The following PKP4 variants were observed in gnomAD, a reference collection of about 807,000 sequenced individuals.
The protein encoded by PKP4 is plakophilin-4.
Under a neutral mutation model 145.1 loss-of-function variants are expected in PKP4, and 90 were observed. The ratio of observed to expected loss-of-function variants is 0.62; its 90% CI spans 0.52 to 0.74. PKP4 has a LOEUF of 0.74. Ranked by LOEUF, PKP4 falls within the 30% of genes least tolerant of loss-of-function variation. The pLI is 0.00. For missense variants in PKP4, 1,340 were observed against 1,482.7 expected, an observed-to-expected ratio of 0.90 and a Z score of 1.58; for synonymous variants, 563 against 577.2, an observed-to-expected ratio of 0.98 and a Z score of 0.35.
chr2:158,618,558 A>G (rs2051874275), intron 4 of PKP4, among the ~76,000 whole-genome samples: 1 of 152,192 alleles, frequency 6.6e-6, no homozygotes, highest in African/African-American at 2.4e-5. Flanking sequence ...GGCAACCAGT[A>G]TGGAATCACA....
intron 2 of PKP4, among the ~76,000 whole-genome samples, chr2:158,567,317 G>T (rs943724595): frequency 1.3e-5 from 2 of 152,194 alleles, no homozygotes; most frequent in African/African-American, 4.8e-5. Context: ...GCCTTGAGTG[G>T]TGTGTATAGG....
rs764004208 is a variant in PKP4, at chr2:158,669,782, T to C, written c.2791T>C (p.Ser931Pro). 4 of 1,613,368 alleles carry C rather than the reference T, an allele frequency of 2.5e-6. No individual in the cohort carries two copies. The South Asian group carries it at 4.4e-5, about 18-fold the overall frequency. The change falls in exon 17 of 22, where the codon TCT becomes CCT. Residue 931 changes from serine to proline, a missense_variant. Transcript: ENST00000389759. ...LPGGNGPSVL[S>P]DETMAAICCA... ...CGGCGGCAATGGCCCCAGTGTCTTG[T>C]CTGATGAGACCATGGCAGCCATCTG...
intron 3 of PKP4, among the ~76,000 whole-genome samples, chr2:158,581,552 G>A (rs938926400): frequency 9.2e-5 from 14 of 152,218 alleles, no homozygotes; most frequent in Non-Finnish European, 1.3e-4. Flanking sequence ...GTGGCATGAG[G>A]TTCTGTTTAA....
intron 1 of PKP4, among the ~76,000 whole-genome samples, chr2:158,524,216 T>A (rs1023886990): frequency 8.2e-6 from 1 of 122,054 alleles, no homozygotes; most frequent in Non-Finnish European, 1.7e-5. Flanking sequence ...GAAAAAATGT[T>A]AAGGGCAGCC....
At chr2:158,483,656 T>A (rs1693709775) in intron 1 of PKP4, among the ~76,000 whole-genome samples, 1 of 152,188 alleles carries the variant, frequency 6.6e-6, no homozygotes, top group Non-Finnish European at 1.5e-5. Context: ...TTTTTTTTAA[T>A]GCCATTTTGA....
chr2:158,639,347 C>T (rs998414325), intron 9 of PKP4, among the ~76,000 whole-genome samples: 24 of 146,990 alleles, frequency 1.6e-4, no homozygotes, highest in African/African-American at 5.1e-4. Context: ...TGTGTGCGTG[C>T]GTGTGTGTTT....
At chr2:158,493,353 A>C (rs1695229104) in intron 1 of PKP4, among the ~76,000 whole-genome samples, 1 of 152,136 alleles carries the variant, frequency 6.6e-6, no homozygotes, top group African/African-American at 2.4e-5. Flanking sequence ...TTTTAAATCC[A>C]AGTGTTTTTT....
intron 3 of PKP4, among the ~76,000 whole-genome samples, chr2:158,586,367 C>A (rs1380207223): frequency 4.6e-5 from 7 of 152,198 alleles, no homozygotes; most frequent in African/African-American, 1.7e-4. Context: ...CCTTTCCTTT[C>A]TCCTTTGCTT....
chr2:158,507,772 G>A (rs1435355113), intron 1 of PKP4, among the ~76,000 whole-genome samples: 1 of 152,160 alleles, frequency 6.6e-6, no homozygotes, highest in Non-Finnish European at 1.5e-5. Flanking sequence ...TGATAAGAAG[G>A]TAGTGTGGGG....
At chr2:158,651,168 C>T (rs1211183507) in intron 11 of PKP4, among the ~76,000 whole-genome samples, 3 of 152,184 alleles carry the variant, frequency 2.0e-5, no homozygotes, top group Non-Finnish European at 4.4e-5. Context: ...TGTTGACAGC[C>T]TTCAGCCCTG....
At chr2:158,606,206 C>CCATTTAA in intron 4 of PKP4, among the ~76,000 whole-genome samples, 1 of 152,168 alleles carries the variant, frequency 6.6e-6, no homozygotes, top group African/African-American at 2.4e-5. Context: ...AGTGGCTGTA[C>CCATTTAA]CATTTAACAT....
chr2:158,641,460 A>G (rs552347199), intron 10 of PKP4, among the ~76,000 whole-genome samples: 2 of 151,980 alleles, frequency 1.3e-5, no homozygotes, highest in East Asian at 1.9e-4. Context: ...AACCATCACT[A>G]AGGCTGAACA....
intron 9 of PKP4, among the ~76,000 whole-genome samples, chr2:158,639,754 A>T (rs1034430701): frequency 3.3e-5 from 5 of 152,202 alleles, no homozygotes; most frequent in Admixed American, 6.5e-5. Flanking sequence ...TAGCATGATT[A>T]TGTATTCATT....
chr2:158,487,646 AAAT>A (rs1244820710), intron 1 of PKP4, among the ~76,000 whole-genome samples: 1 of 152,200 alleles, frequency 6.6e-6, no homozygotes, highest in African/African-American at 2.4e-5. Flanking sequence ...TTGAAGGTAA[AAAT>A]AGTTTCTGCA....
intron 11 of PKP4, among the ~76,000 whole-genome samples, chr2:158,650,496 G>A (rs2055258933): frequency 6.6e-6 from 1 of 152,132 alleles, no homozygotes; most frequent in Non-Finnish European, 1.5e-5. Flanking sequence ...CAGAGACTCG[G>A]GCTAACCCTT....
intron 2 of PKP4, among the ~76,000 whole-genome samples, chr2:158,570,206 A>G (rs1411068253): frequency 6.6e-6 from 1 of 152,212 alleles, no homozygotes; most frequent in African/African-American, 2.4e-5. Flanking sequence ...CTTTGTAAAT[A>G]TGACTACTTT....
intron 1 of PKP4, among the ~76,000 whole-genome samples, chr2:158,493,631 A>G (rs891787162): frequency 1.4e-4 from 21 of 152,220 alleles, no homozygotes; most frequent in African/African-American, 3.9e-4. Flanking sequence ...TCGGTGACAC[A>G]GTGACGTTAG....
chr2:158,533,406 T>A, intron 2 of PKP4, 90 bp downstream of exon 2: 1 of 1,440,868 alleles, frequency 6.9e-7, no homozygotes, highest in Non-Finnish European at 9.6e-7. Flanking sequence ...TTGTGTAACG[T>A]CCTTGACGCC....
rs2057406334 is a variant in PKP4, at chr2:158,669,807, G to C, written c.2816G>C (p.Cys939Ser). Reference sequence around the variant, plus strand: ...TCTGATGAGACCATGGCAGCCATCTGCTGTGCTCTGCACGAGGTCACCAGC... The same window carrying C: ...TCTGATGAGACCATGGCAGCCATCTCCTGTGCTCTGCACGAGGTCACCAGC... ...VLSDETMAAI[C>S]CALHEVTSKN... Residue 939 changes from cysteine (C) to serine (S), a missense_variant, in exon 17 of 22, where the codon TGC (cysteine) becomes TCC (serine). Cys to Ser is a moderately radical substitution (Grantham distance 112). Transcript: ENST00000389759. The C allele has an allele frequency of 6.2e-7, 1 of 1,613,938 alleles. No individual in the cohort carries two copies. Among genetic ancestry groups the C allele is most frequent in the Non-Finnish European group, 8.5e-7 (1 of 1,179,906 alleles).
Sources: gnomAD v4.1 joint callset for allele counts (sites outside exome capture counted in the v4.1 genomes callset) on GRCh38, gnomAD v4.1.1 for gene constraint, MANE v1.5 for transcripts, NCBI Gene and HGNC (gene_info 2026-07-23, HGNC 2026-07-21) for gene names.